Variants in NR5A2 observed in about 807,000 individuals in gnomAD.
The protein encoded by NR5A2 is nuclear receptor subfamily 5 group A member 2, also known as CYP7A promoter-binding factor.
NR5A2 carries 26 observed loss-of-function variants against 62.7 expected under a neutral mutation model. The ratio of observed to expected loss-of-function variants is 0.41; its 90% confidence interval spans 0.30 to 0.58. The LOEUF is 0.58. Among genes scored for constraint, NR5A2 ranks in the 20% least tolerant of loss-of-function variants. The probability of loss-of-function intolerance (pLI) is 0.22; values close to 1 mark genes in which losing one functional copy is unlikely to be tolerated. For synonymous variants in NR5A2, 246 were observed against 241.7 expected, an observed-to-expected ratio of 1.02 and a Z score of -0.16; for missense variants, 541 against 669.1, an observed-to-expected ratio of 0.81 and a Z score of 2.11.
At position 200,039,977 on chromosome 1, in the gene NR5A2, G is replaced by C. The variant is rs890560567; in HGVS notation, c.202+182G>C. Among the ~76,000 whole-genome samples, 4 of 152,236 alleles carry C rather than the reference G, an allele frequency of 2.6e-5. No homozygotes were observed. In the South Asian group the frequency reaches 8.3e-4, roughly 32 times the overall value. On this transcript the variant is annotated intron_variant, in intron 2 of 7. Coordinates refer to ENST00000367362, the MANE Select transcript of NR5A2 (RefSeq NM_205860.3). The surrounding 1 kb of genome is among the most constrained non-coding windows in gnomAD (Gnocchi z 5.1). ...AAAGTTTATGGCTCTTGAACAATGC[G>C]GGGCAGAGGTTTTTCCAAGCAACGT...
At chr1:200,074,851 A>G (rs1228879927) in intron 5 of NR5A2, among the ~76,000 whole-genome samples, 1 of 150,110 alleles carries the variant, frequency 6.7e-6, no homozygotes, top group East Asian at 2.0e-4. Flanking sequence ...ATATGGATAT[A>G]TTTTCCCATA....
intron 7 of NR5A2, among the ~76,000 whole-genome samples, chr1:200,122,826 G>A (rs1374313678): frequency 3.3e-5 from 5 of 152,184 alleles, no homozygotes; most frequent in South Asian, 2.1e-4. Flanking sequence ...AATTCTGGCC[G>A]AGAGTCTATT....
At chr1:200,166,877 G>A (rs1174859152) in intron 7 of NR5A2, among the ~76,000 whole-genome samples, 2 of 152,218 alleles carry the variant, frequency 1.3e-5, no homozygotes, top group Non-Finnish European at 1.5e-5. Flanking sequence ...GAAAACATAT[G>A]TTAAAGACAC....
chr1:200,154,470 G>A (rs1377408925), intron 7 of NR5A2, among the ~76,000 whole-genome samples: 1 of 152,202 alleles, frequency 6.6e-6, no homozygotes, highest in Non-Finnish European at 1.5e-5. Flanking sequence ...GAGAGCAATG[G>A]GGTGATACTC....
At chr1:200,139,693 G>GTTTTT (rs1418076848) in intron 7 of NR5A2, among the ~76,000 whole-genome samples, 2 of 151,958 alleles carry the variant, frequency 1.3e-5, no homozygotes, top group East Asian at 3.8e-4. Flanking sequence ...GTTTTGTTTT[G>GTTTTT]TTTTGTTTCT....
At chr1:200,046,961 A>G (rs1488398449) in intron 4 of NR5A2, among the ~76,000 whole-genome samples, 1 of 152,232 alleles carries the variant, frequency 6.6e-6, no homozygotes, top group Non-Finnish European at 1.5e-5. Context: ...CTGAATATTC[A>G]ATAAATTATC....
intron 7 of NR5A2, among the ~76,000 whole-genome samples, chr1:200,144,235 A>ACACACACACACC (rs1667584338): frequency 4.5e-5 from 1 of 22,172 alleles, no homozygotes; most frequent in African/African-American, 1.5e-4. Context: ...TCTCTCTCTC[A>ACACACACACACC]CACACACACA....
Position 200,049,595 on chromosome 1 carries a change from G to A in NR5A2, c.1110+777G>A, listed in dbSNP as rs1428446581. On this transcript the variant is annotated intron_variant, in intron 5 of 7. Transcript: ENST00000367362. ...ATGTGAGAAAGTTATTTAGAAGTTT[G>A]GAATCTAAGAGGGGCTACCAAAACA... Among the ~76,000 whole-genome samples, 4 of 152,134 alleles carry A rather than the reference G, an allele frequency of 2.6e-5. No homozygotes were observed. The East Asian group carries it at 7.7e-4, about 29-fold the overall frequency.
intron 7 of NR5A2, among the ~76,000 whole-genome samples, chr1:200,167,199 A>G (rs1653942154): frequency 6.6e-6 from 1 of 152,104 alleles, no homozygotes; most frequent in Admixed American, 6.5e-5. Flanking sequence ...TTTCCTGGAC[A>G]TCTTCACCCA....
At chr1:200,105,620 A>T in intron 5 of NR5A2, among the ~76,000 whole-genome samples, 2 of 152,374 alleles carry the variant, frequency 1.3e-5, no homozygotes, top group Middle Eastern at 6.8e-3. Flanking sequence ...CTACCAGTCC[A>T]TATTGTAGAA....
intron 5 of NR5A2, among the ~76,000 whole-genome samples, chr1:200,052,958 T>G (rs1174895343): frequency 6.6e-6 from 1 of 152,178 alleles, no homozygotes; most frequent in Admixed American, 6.5e-5. Flanking sequence ...GCTCACTCTC[T>G]CAGGACAAAT....
intron 7 of NR5A2, among the ~76,000 whole-genome samples, chr1:200,131,218 T>G (rs919682853): frequency 1.3e-5 from 2 of 151,772 alleles, no homozygotes; most frequent in African/African-American, 2.4e-5. Context: ...TTAAATGCAG[T>G]ATAATAGGTG....
At chr1:200,119,953 T>G (rs1018089065) in intron 6 of NR5A2, among the ~76,000 whole-genome samples, 1 of 152,152 alleles carries the variant, frequency 6.6e-6, no homozygotes, top group Admixed American at 6.5e-5. Context: ...GCCTTTTCTT[T>G]TTTTGCTTCC....
chr1:200,162,288 C>G (rs1653678079), intron 7 of NR5A2, among the ~76,000 whole-genome samples: 1 of 152,156 alleles, frequency 6.6e-6, no homozygotes, highest in South Asian at 2.1e-4. Context: ...GAGAGGACTT[C>G]AAGGAGGCTT....
intron 5 of NR5A2, among the ~76,000 whole-genome samples, chr1:200,110,858 G>T (rs1665908754): frequency 6.6e-6 from 1 of 152,082 alleles, no homozygotes; most frequent in Non-Finnish European, 1.5e-5. Context: ...TTCTAATGGA[G>T]CCTACTCAGG....
intron 1 of NR5A2, among the ~76,000 whole-genome samples, chr1:200,032,496 C>T (rs1005749159): frequency 6.6e-6 from 1 of 152,166 alleles, no homozygotes; most frequent in African/African-American, 2.4e-5. Flanking sequence ...GCAGTTTTAT[C>T]TGGTGATAAT....
chr1:200,162,950 T>C (rs1006624555), intron 7 of NR5A2, among the ~76,000 whole-genome samples: 1 of 152,218 alleles, frequency 6.6e-6, no homozygotes, highest in African/African-American at 2.4e-5. Context: ...TAAACAGTCA[T>C]ATGTACAGAA....
chr1:200,115,564 C>T (rs188351508), intron 6 of NR5A2, among the ~76,000 whole-genome samples: 33 of 152,068 alleles, frequency 2.2e-4, no homozygotes, highest in Admixed American at 4.6e-4. Context: ...TTCTGATGGC[C>T]TGATAAATGA....
chr1:200,162,080 G>A (rs144095846), intron 7 of NR5A2, among the ~76,000 whole-genome samples: 49 of 152,340 alleles, frequency 3.2e-4, no homozygotes, highest in East Asian at 7.7e-4. Context: ...GAAGACTGGC[G>A]TGTGAAACAA....
Sources: allele counts gnomAD v4.1 joint callset (sites outside exome capture counted in the v4.1 genomes callset), GRCh38; gene constraint gnomAD v4.1.1; non-coding constraint Gnocchi (gnomAD v3.1); transcripts MANE v1.5; gene names NCBI Gene and HGNC (gene_info 2026-07-23, HGNC 2026-07-21).